Variants in PLPBP observed in about 807,000 individuals in gnomAD.
PLPBP encodes pyridoxal phosphate homeostasis protein.
In PLPBP, 21 loss-of-function variants were observed where a neutral mutation model predicts 31.2. The ratio of observed to expected loss-of-function variants is 0.67; its 90% CI spans 0.48 to 0.97. The LOEUF (loss-of-function observed/expected upper bound fraction) is 0.97, where lower values mean the gene tolerates loss of function less well. Ranked by LOEUF, PLPBP falls within the 50% of genes least tolerant of loss-of-function variation. PLPBP has a pLI of 0.00. For synonymous variants in PLPBP, 124 were observed against 135.6 expected (o/e 0.91, Z 0.59); for missense variants, 308 against 354.4 (o/e 0.87, Z 1.05).
At chr8:37,775,818 T>C (rs1277570030) in intron 6 of PLPBP, 100 bp from the exon 7 acceptor site, 1 of 1,235,220 alleles carries the variant, frequency 8.1e-7, no homozygotes, top group Non-Finnish European at 1.2e-6. Context: ...CTTGAAATCA[T>C]AAGGAATACA....
At chr8:37,772,342 A>C (rs139743631) in intron 4 of PLPBP, among the ~76,000 whole-genome samples, 1 of 152,216 alleles carries the variant, frequency 6.6e-6, no homozygotes, top group Admixed American at 6.5e-5. Context: ...CCCTCATCCC[A>C]GAAAGTTGAA....
chr8:37,775,326 T>G lies in PLPBP; in HGVS notation c.455-13T>G, dbSNP rs771837395. On this transcript the variant is annotated splice_polypyrimidine_tract_variant and intron_variant, in intron 5 of 7. Coordinates refer to ENST00000328195, the MANE Select transcript of PLPBP (RefSeq NM_007198.4). ...CCTTGCAGTATACCTGTTTTCTGTT[T>G]CTTTTCTTGAAGGTAAACATGGCCT... 6.2e-7 allele frequency: 1 copy of G among 1,614,140 alleles called. No homozygotes were observed. The highest frequency in any genetic ancestry group is 8.5e-7 in the Non-Finnish European group (1 of 1,179,962).
Position 37,778,026 on chromosome 8 carries a change from G to C in PLPBP, c.750G>C (p.Arg250=), listed in dbSNP as rs1331445681. 6.2e-7 allele frequency: 1 copy of C among 1,613,698 alleles called. No homozygotes were observed. Among genetic ancestry groups the C allele is most frequent in the Non-Finnish European group, 8.5e-7 (1 of 1,179,790 alleles). ...TAGGAAGCACGATTTTTGGAGAGCG[G>C]GATTACTCAAAGAAACCCACCCCGG... The part of the protein sequence containing the change: ...VRIGSTIFGE[R]DYSKKPTPDK... Residue 250 remains arginine, a synonymous_variant, in exon 8 of 8, where the codon CGG becomes CGC. Coordinates refer to ENST00000328195, the MANE Select transcript of PLPBP (RefSeq NM_007198.4).
At chr8:37,773,289 T>C (rs1803823099) in intron 5 of PLPBP, among the ~76,000 whole-genome samples, 1 of 151,402 alleles carries the variant, frequency 6.6e-6, no homozygotes, top group African/African-American at 2.4e-5. Context: ...CACCTCAGCC[T>C]CCCAAGTAGC....
intron 4 of PLPBP, among the ~76,000 whole-genome samples, chr8:37,771,111 C>A (rs1235417607): frequency 6.6e-6 from 1 of 152,156 alleles, no homozygotes; most frequent in African/African-American, 2.4e-5. Context: ...GTGGGAGGAT[C>A]ACTTGAAGCC....
chr8:37,768,140 C>T lies in PLPBP; in HGVS notation c.319+1785C>T. Reference sequence around the variant, plus strand: ...CAAATGTTAAACCAACCCTGCACTCCTAGGATAAATCCTACTTGAAGGCTG... The same window carrying T: ...CAAATGTTAAACCAACCCTGCACTCTTAGGATAAATCCTACTTGAAGGCTG... On this transcript the variant is annotated intron_variant, in intron 4 of 7. Transcript: ENST00000328195. Among the ~76,000 whole-genome samples the T allele has an allele frequency of 3.3e-5, 5 of 152,216 alleles. No individual in the cohort carries two copies. The South Asian group carries it at 1.0e-3, about 32-fold the overall frequency.
At chr8:37,776,438 T>C (rs1367667128) in intron 7 of PLPBP, among the ~76,000 whole-genome samples, 2 of 124,940 alleles carry the variant, frequency 1.6e-5, no homozygotes, top group African/African-American at 6.3e-5. Context: ...GTCGCGCCAC[T>C]GCACTCCAGC....
intron 4 of PLPBP, among the ~76,000 whole-genome samples, chr8:37,769,900 A>G (rs988876347): frequency 2.6e-5 from 4 of 152,254 alleles, no homozygotes; most frequent in Non-Finnish European, 1.5e-5. Context: ...TACAATAGCT[A>G]CAAATGAAAT....
chr8:37,768,052 GCCTCAGCCT>G (rs1803680590), intron 4 of PLPBP, among the ~76,000 whole-genome samples: 1 of 151,924 alleles, frequency 6.6e-6, no homozygotes, highest in African/African-American at 2.4e-5. Context: ...TGATCCACCC[GCCTCAGCCT>G]CCGAAAGTGC....
Position 37,775,484 on chromosome 8 carries a change from A to C in PLPBP, c.597+3A>C, listed in dbSNP as rs747662093. 6.2e-7 allele frequency: 1 copy of C among 1,613,744 alleles called. No individual in the cohort carries two copies. Among genetic ancestry groups the C allele is most frequent in the Non-Finnish European group, 8.5e-7 (1 of 1,180,002 alleles). On this transcript the variant is annotated splice_donor_region_variant and intron_variant, in intron 6 of 7. Coordinates refer to ENST00000328195, the MANE Select transcript of PLPBP (RefSeq NM_007198.4). The stretch of plus-strand genomic sequence containing the variant: ...AAGGACCAAATCCAGACTTCCAGGT[A>C]CTGGGGGGTCGGGGAGATTGCTCGT...
chr8:37,773,380 C>G (rs1171379172), intron 5 of PLPBP, among the ~76,000 whole-genome samples: 1 of 151,568 alleles, frequency 6.6e-6, no homozygotes, highest in Non-Finnish European at 1.5e-5. Context: ...ATTGGCCAGA[C>G]TGCTCTCGAG....
At chr8:37,769,729 A>G (rs1482468833) in intron 4 of PLPBP, among the ~76,000 whole-genome samples, 4 of 152,250 alleles carry the variant, frequency 2.6e-5, no homozygotes, top group Non-Finnish European at 5.9e-5. Context: ...CTAAAACCGT[A>G]GAGTCTTGGA....
chr8:37,775,603 G>T, intron 6 of PLPBP, 122 bp downstream of exon 6: 1 of 1,415,952 alleles, frequency 7.1e-7, no homozygotes, highest in Non-Finnish European at 9.6e-7. Context: ...GAGTGTTCTA[G>T]CCCTCTTTTG....
At chr8:37,776,705 C>T (rs1236122143) in intron 7 of PLPBP, among the ~76,000 whole-genome samples, 1 of 151,878 alleles carries the variant, frequency 6.6e-6, no homozygotes, top group African/African-American at 2.4e-5. Flanking sequence ...CATTTCATTA[C>T]GTAAGTGCGT....
chr8:37,763,004 C>T (rs755328450), intron 1 of PLPBP, among the ~76,000 whole-genome samples: 6 of 152,132 alleles, frequency 3.9e-5, no homozygotes, highest in Admixed American at 6.5e-5. Context: ...TGACTTAGTG[C>T]CTAGGTGTCG....
intron 5 of PLPBP, among the ~76,000 whole-genome samples, chr8:37,774,603 C>A (rs975390439): frequency 1.3e-5 from 2 of 152,302 alleles, no homozygotes; most frequent in Non-Finnish European, 2.9e-5. Context: ...TATGCAGGAA[C>A]ACAGTAGAGG....
At chr8:37,768,081 A>G (rs1245129543) in intron 4 of PLPBP, among the ~76,000 whole-genome samples, 1 of 152,170 alleles carries the variant, frequency 6.6e-6, no homozygotes, top group Non-Finnish European at 1.5e-5. Flanking sequence ...CTAGGATTGC[A>G]GGCATGAGCC....
chr8:37,774,788 T>C (rs1168617760), intron 5 of PLPBP: 1 of 152,354 alleles, frequency 6.6e-6, no homozygotes, highest in Non-Finnish European at 1.5e-5. Context: ...CTCCGCCTAA[T>C]AAATGGGGGC....
At chr8:37,765,340 G>A (rs549161340) in intron 1 of PLPBP, among the ~76,000 whole-genome samples, 186 bp from the exon 2 acceptor site, 9 of 152,280 alleles carry the variant, frequency 5.9e-5, no homozygotes, top group African/African-American at 1.9e-4. Flanking sequence ...GATGCCATGC[G>A]CCTAAAAAAC....
Sources: allele counts gnomAD v4.1 joint callset (sites outside exome capture counted in the v4.1 genomes callset), GRCh38; gene constraint gnomAD v4.1.1; transcripts MANE v1.5; gene names NCBI Gene and HGNC (gene_info 2026-07-23, HGNC 2026-07-21).